The following MDN1 variants were observed in gnomAD, a reference collection of about 807,000 sequenced individuals.
MDN1 encodes the protein midasin.
MDN1 carries 266 observed loss-of-function variants against 669.2 expected under a neutral mutation model. The observed-to-expected ratio is 0.40, with a 90% CI of 0.36 to 0.44. MDN1 has a LOEUF of 0.44. Ranked by LOEUF, MDN1 falls within the 20% of genes least tolerant of loss-of-function variation. The pLI, the probability that MDN1 is intolerant of heterozygous loss-of-function variation, is 1.00. For missense variants in MDN1, 5,940 were observed against 6,754.0 expected (o/e 0.88, Z 4.22); for synonymous variants, 2,385 against 2,457.1 (o/e 0.97, Z 0.87).
intron 76 of MDN1, among the ~76,000 whole-genome samples, chr6:89,676,918 A>T (rs1357905047): frequency 6.7e-6 from 1 of 149,332 alleles, no homozygotes; most frequent in Admixed American, 6.7e-5. Flanking sequence ...ACTTATGAGG[A>T]GTGTATGTAT....
intron 55 of MDN1, 32 bp from the exon 56 acceptor site, chr6:89,700,888 T>C (rs773819504): frequency 1.8e-5 from 29 of 1,597,084 alleles, no homozygotes; most frequent in African/African-American, 2.7e-5. Context: ...GAGCATACTA[T>C]AGAGCACAAA....
In MDN1 at chr6:89,790,146, A is replaced by G. The variant is rs369366760; in HGVS notation, c.1098+13T>C. On this transcript the variant is annotated intron_variant, in intron 6 of 101. Coordinates refer to ENST00000369393, the MANE Select transcript of MDN1 (RefSeq NM_014611.3). ...GCATGACAAGCCACCAAAACTTAAC[A>G]TTTCCTTATTACCTTACTGTCAGTC... The G allele has an allele frequency of 2.5e-6, 4 of 1,613,540 alleles. No individual in the cohort carries two copies. In the African/African-American group the frequency reaches 4.0e-5, roughly 16 times the overall value.
At chr6:89,706,464 A>G (rs1813522627) in intron 52 of MDN1, among the ~76,000 whole-genome samples, 3 of 152,080 alleles carry the variant, frequency 2.0e-5, no homozygotes, top group Admixed American at 2.0e-4. Flanking sequence ...TTGGGGAAAC[A>G]CATAGTCCAA....
chr6:89,703,641 A>G (rs1028717431), intron 53 of MDN1, among the ~76,000 whole-genome samples: 4 of 152,206 alleles, frequency 2.6e-5, no homozygotes, highest in Non-Finnish European at 4.4e-5. Context: ...AGTACAAAAA[A>G]AGAAGGACTG....
At chr6:89,728,804 G>GAA (rs1815393984) in intron 36 of MDN1, 127 bp downstream of exon 36, 1 of 1,011,230 alleles carries the variant, frequency 9.9e-7, no homozygotes. Flanking sequence ...AAAAAACAAA[G>GAA]AAAAGAAAAG....
intron 65 of MDN1, among the ~76,000 whole-genome samples, chr6:89,689,599 C>A (rs190212568): frequency 6.6e-6 from 1 of 152,256 alleles, no homozygotes; most frequent in East Asian, 1.9e-4. Context: ...AAGTCCTTGT[C>A]CTTATTTTCT....
chr6:89,675,485 C>A lies in MDN1; in HGVS notation c.12740G>T (p.Ser4247Ile), dbSNP rs749475220. ...VRQRRSLTTL[S>I]EQWIILRNLL... ...ATACCTGAGGATGATCCACTGCTCA[C>A]TGAGCGTGGTCAGGGAGCGCCGCTG... is the stretch of plus-strand genomic sequence containing the variant. Residue 4247 changes from serine (S) to isoleucine (I), a missense_variant, in exon 78 of 102, where the codon AGT (serine) becomes ATT (isoleucine). By Grantham distance (142) the Ser-to-Ile change is moderately radical. Coordinates refer to ENST00000369393, the MANE Select transcript of MDN1 (RefSeq NM_014611.3). 5.0e-6 allele frequency: 8 copies of A among 1,613,516 alleles called. No homozygotes were observed. Among genetic ancestry groups the A allele is most frequent in the Non-Finnish European group, 6.8e-6 (8 of 1,180,028 alleles).
intron 74 of MDN1, among the ~76,000 whole-genome samples, chr6:89,679,122 A>C (rs140281502): frequency 0.019 from 2,838 of 152,352 alleles, 52 homozygotes; most frequent in Non-Finnish European, 0.024. Context: ...AGGAAATTTC[A>C]GATTAATATA....
chr6:89,688,154 C>T lies in MDN1; in HGVS notation c.11279G>A (p.Arg3760Lys). Reference sequence around the variant, plus strand: ...ACTGGAAAGTGGGAAACTACGAATTCTGTCCATTACAACCAGGAGCTGCAG... The same window carrying T: ...ACTGGAAAGTGGGAAACTACGAATTTTGTCCATTACAACCAGGAGCTGCAG... The part of the protein sequence containing the change: ...ALEQLLVVMD[R>K]IRSFPLSSPI... The change falls in exon 67 of 102, where the codon AGA becomes AAA. Residue 3760 changes from arginine to lysine, a missense_variant. Physicochemically the swap from Arg to Lys is conservative, Grantham distance 26. Around this residue, in one of 5 missense-constraint regions of MDN1, gnomAD observed 2,280 missense variants for 2,576.3 expected, o/e 0.88. Coordinates refer to ENST00000369393, the MANE Select transcript of MDN1 (RefSeq NM_014611.3). The T allele has an allele frequency of 6.2e-7, 1 of 1,614,040 alleles. No individual in the cohort carries two copies. The highest frequency in any genetic ancestry group is 8.5e-7 in the Non-Finnish European group (1 of 1,179,942).
At chr6:89,771,712 A>G (rs1818087073) in intron 14 of MDN1, 91 bp from the exon 15 acceptor site, 2 of 1,118,804 alleles carry the variant, frequency 1.8e-6, no homozygotes, top group Admixed American at 2.0e-5. Context: ...AATATGGCAT[A>G]GGGCTTTATT....
chr6:89,753,128 A>C (rs550451236), intron 22 of MDN1, among the ~76,000 whole-genome samples: 79 of 152,270 alleles, frequency 5.2e-4, no homozygotes, highest in African/African-American at 1.3e-3. Flanking sequence ...ATCTGCAAAA[A>C]AAAACAAAAC....
Position 89,749,286 on chromosome 6 carries a change from G to C in MDN1, c.3699C>G (p.His1233Gln). The change falls in exon 26 of 102, where the codon CAC becomes CAG. Residue 1233 changes from histidine to glutamine, a missense_variant. His to Gln is a conservative substitution (Grantham distance 24). Coordinates refer to ENST00000369393, the MANE Select transcript of MDN1 (RefSeq NM_014611.3). ...AGGAGGGTGGCAAACTACACCGCTTGTGCAAGATTGTTTCCAACTCGGAGC... is the reference window on the plus strand; with the variant it reads ...AGGAGGGTGGCAAACTACACCGCTTCTGCAAGATTGTTTCCAACTCGGAGC... The part of the protein sequence containing the change: ...LPSSELETIL[H>Q]KRCSLPPSYC... 1 of 1,614,096 alleles carries C rather than the reference G, an allele frequency of 6.2e-7. No individual in the cohort carries two copies. Among genetic ancestry groups the C allele is most frequent in the Non-Finnish European group, 8.5e-7 (1 of 1,179,998 alleles).
Position 89,678,703 on chromosome 6 carries a change from A to G in MDN1, c.12308T>C (p.Val4103Ala), listed in dbSNP as rs764892537. The change falls in exon 75 of 102, where the codon GTG (valine) becomes GCG (alanine). Residue 4103 changes from valine to alanine, a missense_variant. Physicochemically the swap from Val to Ala is moderately conservative, Grantham distance 64. Transcript: ENST00000369393. ...CTTCTCCTTCTCTGCAGAGGGTTCCACCTTTAAGCTCTGCAGCTCACTCAC... is the reference window on the plus strand; with the variant it reads ...CTTCTCCTTCTCTGCAGAGGGTTCCGCCTTTAAGCTCTGCAGCTCACTCAC... ...SSVSELQSLK[V>A]EPSAEKEKQR... is the part of the protein sequence containing the mutation. 15 of 1,613,836 alleles carry G rather than the reference A, an allele frequency of 9.3e-6. No homozygotes were observed. Among genetic ancestry groups the G allele is most frequent in the African/African-American group, 2.7e-5 (2 of 74,898 alleles).
At chr6:89,747,758 G>A (rs1226325604) in intron 26 of MDN1, among the ~76,000 whole-genome samples, 4 of 151,318 alleles carry the variant, frequency 2.6e-5, no homozygotes, top group Non-Finnish European at 4.4e-5. Flanking sequence ...GGGCGTGGTG[G>A]CGGGTGCCTG....
chr6:89,693,564 G>A (rs892675723), intron 62 of MDN1, among the ~76,000 whole-genome samples: 1 of 152,120 alleles, frequency 6.6e-6, no homozygotes, highest in African/African-American at 2.4e-5. Flanking sequence ...TATCCAAAAT[G>A]CTCCCAACTT....
chr6:89,690,737 G>C lies in MDN1; in HGVS notation c.10685C>G (p.Thr3562Arg). 6.2e-7 allele frequency: 1 copy of C among 1,614,072 alleles called. No homozygotes were observed. Among genetic ancestry groups the C allele is most frequent in the Non-Finnish European group, 8.5e-7 (1 of 1,180,010 alleles). The change falls in exon 64 of 102, where the codon ACA (threonine) becomes AGA (arginine). Residue 3562 changes from threonine to arginine, a missense_variant. By Grantham distance (71) the Thr-to-Arg change is moderately conservative. Transcript: ENST00000369393. Reference sequence around the variant, plus strand: ...TTCCTCCTCCTCTTCACTCAGGGCTGTCCTAGAGTTCCTGCTCCTGTATCT... The same window carrying C: ...TTCCTCCTCCTCTTCACTCAGGGCTCTCCTAGAGTTCCTGCTCCTGTATCT... The part of the protein sequence containing the change: ...LYRYRSRNSR[T>R]ALSEEEEEER...
At position 89,658,276 on chromosome 6, in the gene MDN1, T is replaced by C; in HGVS notation, c.15116A>G (p.Glu5039Gly). 6.2e-6 allele frequency: 10 copies of C among 1,614,212 alleles called. No individual in the cohort carries two copies. Among genetic ancestry groups the C allele is most frequent in the Non-Finnish European group, 8.5e-6 (10 of 1,180,046 alleles). ...EHASCGQTGV[E>G]NMQNTQAMEL... ...CATGGCCTGTGTGTTCTGCATGTTCTCCACACCAGTCTGCCCACAGGAGGC... is the reference window on the plus strand; with the variant it reads ...CATGGCCTGTGTGTTCTGCATGTTCCCCACACCAGTCTGCCCACAGGAGGC... Residue 5039 changes from glutamate to glycine, a missense_variant, in exon 90 of 102, where the codon GAG becomes GGG. Physicochemically the swap from Glu to Gly is moderately conservative, Grantham distance 98. Transcript: ENST00000369393.
intron 66 of MDN1, 51 bp downstream of exon 66, chr6:89,688,522 C>T (rs546551826): frequency 3.2e-5 from 49 of 1,526,390 alleles, no homozygotes; most frequent in Non-Finnish European, 4.2e-5. Context: ...AGGCTGCATC[C>T]TCATTGCAGA....
intron 53 of MDN1, among the ~76,000 whole-genome samples, chr6:89,704,605 T>A (rs1350717225): frequency 6.6e-6 from 1 of 152,174 alleles, no homozygotes; most frequent in African/African-American, 2.4e-5. Context: ...TTTCTTTTTT[T>A]AGATGGAGTG....
Sources: gnomAD v4.1 joint callset for allele counts (sites outside exome capture counted in the v4.1 genomes callset) on GRCh38, gnomAD v4.1.1 for gene constraint, gnomAD v4.1.1 regional missense constraint, MANE v1.5 for transcripts, NCBI Gene and HGNC (gene_info 2026-07-23, HGNC 2026-07-21) for gene names.